PTPRD: variants seen among roughly 807,000 people sequenced by gnomAD.
PTPRD encodes protein tyrosine phosphatase receptor type D, also known as receptor-type tyrosine-protein phosphatase delta.
A neutral mutation model predicts 214.5 loss-of-function variants in PTPRD; 34 were observed. The observed-to-expected ratio is 0.16, with a 90% CI of 0.12 to 0.21. PTPRD has a LOEUF of 0.21. PTPRD is among the 10% of genes least tolerant of loss of function. The pLI is 1.00. For synonymous variants in PTPRD, 1,128 were observed against 845.7 expected (o/e 1.33, Z -5.79); for missense variants, 2,545 against 2,398.7 (o/e 1.06, Z -1.27).
chr9:10,090,726 G>T (rs1003745230), intron 3 of PTPRD, among the ~76,000 whole-genome samples: 5 of 144,102 alleles, frequency 3.5e-5, no homozygotes, highest in African/African-American at 1.0e-4. Context: ...GTTGAATCTA[G>T]TATGCAAACT....
chr9:10,373,423 A>C (rs1359088), intron 2 of PTPRD, among the ~76,000 whole-genome samples: 123,426 of 151,996 alleles, frequency 0.81, 50,484 homozygotes, highest in East Asian at 0.9. Context: ...AATACAACTT[A>C]ACTTTCAGTA....
intron 39 of PTPRD, among the ~76,000 whole-genome samples, chr9:8,344,111 C>T (rs1284755248): frequency 6.6e-6 from 1 of 152,074 alleles, no homozygotes; most frequent in African/African-American, 2.4e-5. Context: ...TTCTTTCAAA[C>T]TCCATGTTTG....
chr9:10,427,568 T>C (rs2098634065), intron 2 of PTPRD, among the ~76,000 whole-genome samples: 1 of 151,998 alleles, frequency 6.6e-6, no homozygotes, highest in Non-Finnish European at 1.5e-5. Context: ...TGGTTGATAA[T>C]TGTCATTCAG....
chr9:8,558,830 A>G (rs1427000321), intron 14 of PTPRD, among the ~76,000 whole-genome samples: 1 of 152,228 alleles, frequency 6.6e-6, no homozygotes, highest in Non-Finnish European at 1.5e-5. Flanking sequence ...GGCGAACTGA[A>G]ATAAAATGGT....
intron 3 of PTPRD, among the ~76,000 whole-genome samples, chr9:10,297,024 G>C (rs2095695471): frequency 6.6e-6 from 1 of 150,696 alleles, no homozygotes; most frequent in Non-Finnish European, 1.5e-5. Flanking sequence ...TGATTGATAA[G>C]CCCCTAATAA....
At chr9:9,892,543 G>A (rs775460524) in intron 5 of PTPRD, among the ~76,000 whole-genome samples, 1 of 152,048 alleles carries the variant, frequency 6.6e-6, no homozygotes, top group African/African-American at 2.4e-5. Flanking sequence ...TAATGATGTT[G>A]GCTTACTAGT....
At chr9:9,560,733 C>A (rs2082705951) in intron 8 of PTPRD, among the ~76,000 whole-genome samples, 1 of 152,176 alleles carries the variant, frequency 6.6e-6, no homozygotes, top group Non-Finnish European at 1.5e-5. Context: ...GGGCCGTGGG[C>A]AGGTGAATAT....
chr9:9,640,994 T>TC (rs1177724882), intron 7 of PTPRD, among the ~76,000 whole-genome samples: 10 of 130,202 alleles, frequency 7.7e-5, no homozygotes, highest in Admixed American at 4.7e-4. Flanking sequence ...GCCTAACAGG[T>TC]AGTGATACCT....
At chr9:8,358,032 C>G (rs2077416628) in intron 39 of PTPRD, among the ~76,000 whole-genome samples, 1 of 152,118 alleles carries the variant, frequency 6.6e-6, no homozygotes, top group African/African-American at 2.4e-5. Flanking sequence ...GATCATTATA[C>G]CCTTCAGATT....
At chr9:10,127,146 G>C (rs751606543) in intron 3 of PTPRD, among the ~76,000 whole-genome samples, 2 of 151,844 alleles carry the variant, frequency 1.3e-5, no homozygotes, top group African/African-American at 4.8e-5. Flanking sequence ...TCATACATGA[G>C]GACAACTATA....
chr9:9,455,511 A>G (rs10977772), intron 8 of PTPRD, among the ~76,000 whole-genome samples: 23,117 of 151,550 alleles, frequency 0.15, 1,859 homozygotes, highest in Middle Eastern at 0.29. Flanking sequence ...ATCTCAGTAC[A>G]GCTACTCTAA....
At chr9:8,541,526 GTCTTT>G (rs1564187740) in intron 14 of PTPRD, among the ~76,000 whole-genome samples, 1 of 152,056 alleles carries the variant, frequency 6.6e-6, no homozygotes, top group African/African-American at 2.4e-5. Context: ...CACCATACCC[GTCTTT>G]TCTTTTATTC....
chr9:8,504,655 G>C (rs1223456975), intron 22 of PTPRD, among the ~76,000 whole-genome samples: 1 of 152,164 alleles, frequency 6.6e-6, no homozygotes, highest in Non-Finnish European at 1.5e-5. Context: ...TGTTGACACA[G>C]TCAGCCAAAT....
intron 8 of PTPRD, among the ~76,000 whole-genome samples, chr9:9,451,031 G>A (rs1474557554): frequency 6.7e-6 from 1 of 149,298 alleles, no homozygotes; most frequent in Non-Finnish European, 1.5e-5. Flanking sequence ...ACATCACTGA[G>A]CTAGCAAGAC....
At chr9:8,761,564 G>A (rs1287325088) in intron 11 of PTPRD, among the ~76,000 whole-genome samples, 2 of 152,136 alleles carry the variant, frequency 1.3e-5, no homozygotes, top group African/African-American at 4.8e-5. Flanking sequence ...AGAAAGCGGA[G>A]CTGCAAAGGT....
At chr9:9,167,119 C>G (rs1480766136) in intron 10 of PTPRD, among the ~76,000 whole-genome samples, 3 of 152,136 alleles carry the variant, frequency 2.0e-5, no homozygotes, top group Non-Finnish European at 2.9e-5. Context: ...ATATTCAAAA[C>G]CAGGGAGCCC....
intron 2 of PTPRD, among the ~76,000 whole-genome samples, chr9:10,520,933 G>C (rs910412809): frequency 5.9e-5 from 9 of 151,462 alleles, no homozygotes; most frequent in African/African-American, 2.2e-4. Context: ...AATGCATCTA[G>C]TTGCCAAGGT....
chr9:9,928,807 A>T (rs991514245), intron 5 of PTPRD, among the ~76,000 whole-genome samples: 3 of 147,284 alleles, frequency 2.0e-5, no homozygotes, highest in Non-Finnish European at 3.0e-5. Context: ...TTTGGAAGAA[A>T]ACTTAATTTT....
At chr9:10,539,751 A>G (rs1016335426) in intron 2 of PTPRD, among the ~76,000 whole-genome samples, 2 of 152,196 alleles carry the variant, frequency 1.3e-5, no homozygotes, top group East Asian at 1.9e-4. Flanking sequence ...CTGTCAAGAC[A>G]TTTTCAGATC....
Sources: gnomAD v4.1 joint callset for allele counts (sites outside exome capture counted in the v4.1 genomes callset) on GRCh38, gnomAD v4.1.1 for gene constraint, MANE v1.5 for transcripts, NCBI Gene and HGNC (gene_info 2026-07-23, HGNC 2026-07-21) for gene names.